TRANK1: variants seen among roughly 807,000 people sequenced by gnomAD.
TRANK1 encodes the protein TPR and ankyrin repeat-containing protein 1.
TRANK1 carries 198 observed loss-of-function variants against 266.0 expected under a neutral mutation model. The observed-to-expected ratio is 0.74, with a 90% CI of 0.66 to 0.84. The LOEUF is 0.84. Ranked by LOEUF, TRANK1 falls within the 40% of genes least tolerant of loss-of-function variation. TRANK1 has a pLI of 0.00. For missense variants in TRANK1, 3,326 were observed against 3,634.6 expected (o/e 0.92, Z 2.18); for synonymous variants, 1,396 against 1,384.1 (o/e 1.01, Z -0.19).
At position 36,880,109 on chromosome 3, in the gene TRANK1, T is replaced by TACAA. The variant is rs2125588288; in HGVS notation, c.908-5814_908-5813insTTGT. On this transcript the variant is annotated intron_variant, in intron 8 of 23. Coordinates refer to ENST00000645898, the MANE Select transcript of TRANK1 (RefSeq NM_001329998.2). The stretch of plus-strand genomic sequence containing the variant: ...AAACATATATAAATATATATAAACA[T>TACAA]ATATAAATATATATAAACATATAAA... The TACAA allele has an allele frequency of 2.8e-5, 4 of 143,438 alleles. No individual in the cohort carries two copies. In the East Asian group the frequency reaches 9.6e-4, roughly 35 times the overall value. 8.9% of individuals were successfully genotyped at this position (143,438 alleles called of 1,614,324 possible).
chr3:36,866,554 A>G (rs2079230717), intron 9 of TRANK1, among the ~76,000 whole-genome samples: 1 of 152,196 alleles, frequency 6.6e-6, no homozygotes, highest in African/African-American at 2.4e-5. Flanking sequence ...TCCCACAGGA[A>G]GGCTCTGGAG....
intron 20 of TRANK1, among the ~76,000 whole-genome samples, chr3:36,835,112 G>A (rs1190904579): frequency 2.6e-5 from 4 of 151,860 alleles, no homozygotes; most frequent in African/African-American, 7.3e-5. Context: ...GAGGTCAGGA[G>A]ATTGAGACCA....
In TRANK1 at chr3:36,851,984, G is replaced by A. The variant is rs552802310; in HGVS notation, c.4750-128C>T. On this transcript the variant is annotated intron_variant, in intron 14 of 23. Coordinates refer to ENST00000645898, the MANE Select transcript of TRANK1 (RefSeq NM_001329998.2). ...GCATAAACATGGTCAGGCAGGCCAG[G>A]GGAAAGATTGAAACACTTGGTCACT... The A allele has an allele frequency of 1.3e-5, 18 of 1,404,972 alleles. No individual in the cohort carries two copies. In the African/African-American group the frequency reaches 2.3e-4, roughly 18 times the overall value. 87.0% of individuals were successfully genotyped at this position (1,404,972 alleles called of 1,614,324 possible).
chr3:36,935,452 T>C (rs1265303543), intron 1 of TRANK1, among the ~76,000 whole-genome samples: 3 of 147,582 alleles, frequency 2.0e-5, no homozygotes, highest in African/African-American at 7.6e-5. Context: ...ATTCTTTTTT[T>C]TTTTTTTTTT....
chr3:36,919,181 G>A (rs182189547), intron 1 of TRANK1, among the ~76,000 whole-genome samples: 34 of 152,208 alleles, frequency 2.2e-4, no homozygotes, highest in East Asian at 7.7e-4. Context: ...AGTATAATGC[G>A]TGTAACATGC....
chr3:36,873,233 AG>A (rs2079335639), intron 9 of TRANK1, among the ~76,000 whole-genome samples: 1 of 152,236 alleles, frequency 6.6e-6, no homozygotes, highest in Non-Finnish European at 1.5e-5. Context: ...TGAGGGTAAA[AG>A]AAAGACATTT....
chr3:36,912,275 T>C (rs964865923), intron 1 of TRANK1, among the ~76,000 whole-genome samples: 2 of 152,186 alleles, frequency 1.3e-5, no homozygotes, highest in Middle Eastern at 3.4e-3. Flanking sequence ...GTTAAGCCAC[T>C]TACCACTTGC....
Position 36,856,454 on chromosome 3 carries a change from A to G in TRANK1, c.3268T>C (p.Leu1090=), listed in dbSNP as rs1443468630. ...CAGTAAACGTGGAATTTCTTCCACAATCTGTACAAGCAGCAGGTTGTCTTC... is the reference window on the plus strand; with the variant it reads ...CAGTAAACGTGGAATTTCTTCCACAGTCTGTACAAGCAGCAGGTTGTCTTC... The part of the protein sequence containing the change: ...TGKTTCCLYR[L]WKKFHVYWEK... The change falls in exon 13 of 24, where the codon TTG becomes CTG. Residue 1090 remains leucine (L), a synonymous_variant. Transcript: ENST00000645898. 2.5e-6 allele frequency: 4 copies of G among 1,613,856 alleles called. No homozygotes were observed. Among genetic ancestry groups the G allele is most frequent in the Non-Finnish European group, 3.4e-6 (4 of 1,179,866 alleles).
Position 36,828,185 on chromosome 3 carries a change from C to G in TRANK1, c.*90G>C. The G allele has an allele frequency of 1.1e-6, 1 of 927,646 alleles. No individual in the cohort carries two copies. Among genetic ancestry groups the G allele is most frequent in the Non-Finnish European group, 1.7e-6 (1 of 592,572 alleles). 57.5% of individuals were successfully genotyped at this position (927,646 alleles called of 1,614,324 possible). A position where few individuals can be genotyped will look rare whatever the true frequency, so the allele number is the denominator to read the frequency against. On this transcript the variant is annotated 3_prime_UTR_variant, in exon 24 of 24. Transcript: ENST00000645898. ...CTCCCCTATTTTTAAAATGCTAATT[C>G]ACATTCTTTTTGTCTTCTGCCCCAG...
At chr3:36,879,339 A>C (rs1256470226) in intron 8 of TRANK1, among the ~76,000 whole-genome samples, 1 of 151,614 alleles carries the variant, frequency 6.6e-6, no homozygotes, top group East Asian at 1.9e-4. Context: ...ATGGTATTGA[A>C]TGCTCTTTAC....
chr3:36,871,252 G>A (rs2079304686), intron 9 of TRANK1, among the ~76,000 whole-genome samples: 1 of 152,026 alleles, frequency 6.6e-6, no homozygotes, highest in Non-Finnish European at 1.5e-5. Flanking sequence ...GCTGGGTGTG[G>A]TGGTGCACGC....
chr3:36,874,382 C>T (rs1220185541), intron 8 of TRANK1, 86 bp from the exon 9 acceptor site: 1 of 1,422,064 alleles, frequency 7.0e-7, no homozygotes, highest in East Asian at 2.5e-5. Context: ...TCAGTCTCCT[C>T]CCAAGCAGCC....
intron 20 of TRANK1, 125 bp from the exon 21 acceptor site, chr3:36,835,032 A>T: frequency 9.3e-7 from 1 of 1,076,024 alleles, no homozygotes; most frequent in Non-Finnish European, 1.3e-6. Flanking sequence ...CCAGTTAAAA[A>T]CCCTAGGCCG....
Position 36,838,505 on chromosome 3 carries a change from C to T in TRANK1, c.5385-1G>A. The stretch of plus-strand genomic sequence containing the variant: ...TTCCAAATATTCCAACTGCTTTTCC[C>T]TAGGGGAAGGAAAACAAAATAATAT... On this transcript the variant is annotated splice_acceptor_variant, in intron 19 of 23. Coordinates refer to ENST00000645898, the MANE Select transcript of TRANK1 (RefSeq NM_001329998.2). LOFTEE classifies it high-confidence loss of function. The T allele has an allele frequency of 6.2e-7, 1 of 1,614,042 alleles. No individual in the cohort carries two copies. The highest frequency in any genetic ancestry group is 2.2e-5 in the East Asian group (1 of 44,884).
intron 8 of TRANK1, among the ~76,000 whole-genome samples, chr3:36,876,370 G>T (rs1170850271): frequency 6.6e-6 from 1 of 152,210 alleles, no homozygotes; most frequent in Non-Finnish European, 1.5e-5. Flanking sequence ...CTAAATCCTG[G>T]CCAGGGCCTT....
rs2078720029 is a variant in TRANK1 at position 36,833,103 on chromosome 3, CATT to C, written c.6477_6479del (p.Ile2159del). On this transcript the variant is annotated inframe_deletion, in exon 22 of 24. Transcript: ENST00000645898. The stretch of plus-strand genomic sequence containing the variant: ...TTAGGGCTAATTTCACTTGGTCAGT[CATT>C]ATCAAAAAATGATCTTTTGTTTTTT... 1.2e-6 allele frequency: 2 copies of C among 1,612,238 alleles called. No individual in the cohort carries two copies. Among genetic ancestry groups the C allele is most frequent in the Non-Finnish European group, 1.7e-6 (2 of 1,178,962 alleles).
intron 1 of TRANK1, among the ~76,000 whole-genome samples, chr3:36,929,866 C>T (rs1042019250): frequency 6.7e-6 from 1 of 148,688 alleles, no homozygotes; most frequent in African/African-American, 2.5e-5. Flanking sequence ...AAGACGAGGG[C>T]AAGGGAGATG....
intron 8 of TRANK1, among the ~76,000 whole-genome samples, chr3:36,878,638 A>T (rs548718313): frequency 1.3e-5 from 2 of 152,232 alleles, no homozygotes; most frequent in Admixed American, 1.3e-4. Flanking sequence ...GAGGGAGAGG[A>T]TCAGAAAAAA....
Position 36,878,417 on chromosome 3 carries a change from G to T in TRANK1, c.908-4121C>A, listed in dbSNP as rs930480352. Among the ~76,000 whole-genome samples the T allele has an allele frequency of 2.0e-5, 3 of 152,270 alleles. No homozygotes were observed. The South Asian group carries it at 6.2e-4, about 32-fold the overall frequency. On this transcript the variant is annotated intron_variant, in intron 8 of 23. Transcript: ENST00000645898. ...TTGGTTCACTCATTTACAGCTGCAG[G>T]TCCTAAACTACCAACATCTCTAACC...
Sources: gnomAD v4.1 joint callset for allele counts (sites outside exome capture counted in the v4.1 genomes callset) on GRCh38, gnomAD v4.1.1 for gene constraint, MANE v1.5 for transcripts, NCBI Gene and HGNC (gene_info 2026-07-23, HGNC 2026-07-21) for gene names.